CCNDBP1: variants seen among roughly 807,000 people sequenced by gnomAD.
The protein encoded by CCNDBP1 is cyclin-D1-binding protein 1.
CCNDBP1 carries 45 observed loss-of-function variants against 46.2 expected under a neutral mutation model. The observed-to-expected ratio is 0.97, with a 90% CI of 0.77 to 1.25. The LOEUF is 1.25. Among genes scored for constraint, CCNDBP1 ranks in the 50% most tolerant of loss-of-function variants. CCNDBP1 has a pLI of 0.00. For missense variants in CCNDBP1, 436 were observed against 442.1 expected, an observed-to-expected ratio of 0.99 and a Z score of 0.12; for synonymous variants, 154 against 163.6, an observed-to-expected ratio of 0.94 and a Z score of 0.45.
chr15:43,196,905 T>G lies in CCNDBP1; in HGVS notation c.*2064T>G. 3.5e-6 allele frequency: 1 copy of G among 284,240 alleles called. No individual in the cohort carries two copies. The highest frequency in any genetic ancestry group is 3.5e-5 in the South Asian group (1 of 28,602). The allele number at this position is 284,240 out of a possible 1,614,324, so 17.6% of individuals were successfully genotyped here. A position where few individuals can be genotyped will look rare whatever the true frequency, so the allele number is the denominator to read the frequency against. On this transcript the variant is annotated 3_prime_UTR_variant, in exon 11 of 11. Coordinates refer to ENST00000300213, the MANE Select transcript of CCNDBP1 (RefSeq NM_012142.5). Reference sequence around the variant, plus strand: ...GTTGGAGGTGGGGCCTAATGGGAGGTGTTTGGATCCCTCATGAATGGCTTC... The same window carrying G: ...GTTGGAGGTGGGGCCTAATGGGAGGGGTTTGGATCCCTCATGAATGGCTTC...
At chr15:43,186,284 A>G (rs886745895) in intron 3 of CCNDBP1, 51 bp downstream of exon 3, 11 of 1,435,730 alleles carry the variant, frequency 7.7e-6, no homozygotes, top group Non-Finnish European at 1.1e-5. Flanking sequence ...CACCTTAGGA[A>G]TCCTCTAATT....
intron 6 of CCNDBP1, 140 bp downstream of exon 6, chr15:43,190,538 GGTAGGTATTAATA>G (rs2041931973): frequency 3.2e-6 from 2 of 626,518 alleles, no homozygotes; most frequent in Non-Finnish European, 5.4e-6. Flanking sequence ...GAAATTAATA[GGTAGGTATTAATA>G]CTTTTTGTCA....
intron 4 of CCNDBP1, 152 bp from the exon 5 acceptor site, chr15:43,189,903 G>C (rs2041919742): frequency 1.6e-6 from 1 of 613,186 alleles, no homozygotes; most frequent in African/African-American, 1.9e-5. Flanking sequence ...AATGCCATGG[G>C]GATATAAGTA....
chr15:43,189,415 T>A (rs2041913305), intron 4 of CCNDBP1, 135 bp downstream of exon 4: 1 of 558,940 alleles, frequency 1.8e-6, no homozygotes. Flanking sequence ...AATTTTGTAA[T>A]GTAAGTGACT....
rs1353600596 is a variant in CCNDBP1 at position 43,190,960 on chromosome 15, T to G, written c.503-6T>G. The G allele has an allele frequency of 6.2e-7, 1 of 1,612,214 alleles. No individual in the cohort carries two copies. The highest frequency in any genetic ancestry group is 1.1e-5 in the South Asian group (1 of 91,050). On this transcript the variant is annotated splice_polypyrimidine_tract_variant and splice_region_variant and intron_variant, in intron 6 of 10. Transcript: ENST00000300213. ...AATTCTAGTGCTTCTGATTTTTCAC[T>G]CATAGATAACAAAGCTGCAGCTCTT... is the stretch of plus-strand genomic sequence containing the variant.
chr15:43,191,717 C>G, intron 8 of CCNDBP1, 42 bp downstream of exon 8: 1 of 1,570,190 alleles, frequency 6.4e-7, no homozygotes, highest in South Asian at 1.1e-5. Context: ...CAGCAGCGTT[C>G]TGATTTCAAT....
Position 43,186,149 on chromosome 15 carries a change from C to T in CCNDBP1, c.170-5C>T, listed in dbSNP as rs772171081. On this transcript the variant is annotated splice_polypyrimidine_tract_variant and splice_region_variant and intron_variant, in intron 2 of 10. Transcript: ENST00000300213. ...GCACCTGCCTCCTCTTCGGCCACCC[C>T]CCAGATGAGGCAGCTGTGACTGTGT... The T allele has an allele frequency of 1.9e-6, 3 of 1,613,916 alleles. No homozygotes were observed. Among genetic ancestry groups the T allele is most frequent in the Admixed American group, 1.7e-5 (1 of 60,006 alleles).
intron 9 of CCNDBP1, chr15:43,193,099 G>A: frequency 2.8e-6 from 1 of 351,892 alleles, no homozygotes; most frequent in Non-Finnish European, 5.3e-6. Flanking sequence ...GCTCACACCT[G>A]TAATCCCAGC....
chr15:43,196,559 AT>A lies in CCNDBP1; in HGVS notation c.*1720del, dbSNP rs2042040579. 6.6e-6 allele frequency: 1 copy of A among 152,356 alleles called. No individual in the cohort carries two copies. The allele number at this position is 152,356 out of a possible 1,614,324, so 9.4% of individuals were successfully genotyped here. A position where few individuals can be genotyped will look rare whatever the true frequency, so the allele number is the denominator to read the frequency against. On this transcript the variant is annotated 3_prime_UTR_variant, in exon 11 of 11. Transcript: ENST00000300213. ...CACGTCAGCCTCCCAAAGTGCTGGG[AT>A]TACAGATGTGAGCCACCGAGCCCAG...
intron 3 of CCNDBP1, 48 bp downstream of exon 3, chr15:43,186,281 G>A (rs759222179): frequency 6.9e-7 from 1 of 1,450,494 alleles, no homozygotes; most frequent in Non-Finnish European, 9.7e-7. Flanking sequence ...TTACACCTTA[G>A]GAATCCTCTA....
Position 43,190,078 on chromosome 15 carries a change from C to G in CCNDBP1, c.355C>G (p.Arg119Gly). 2 of 1,614,086 alleles carry G rather than the reference C, an allele frequency of 1.2e-6. No individual in the cohort carries two copies. Among genetic ancestry groups the G allele is most frequent in the Non-Finnish European group, 1.7e-6 (2 of 1,179,990 alleles). ...AGGGATCACCCTGAGAAAGCTGGTA[C>G]GGGGCGCCACCCTGGACATCGTGGA... ...DQGITLRKLV[R>G]GATLDIVDGM... Residue 119 changes from arginine (R) to glycine (G), a missense_variant, in exon 5 of 11, where the codon CGG becomes GGG. Arg to Gly is a moderately radical substitution (Grantham distance 125). Transcript: ENST00000300213.
Position 43,196,945 on chromosome 15 carries a change from G to GAC in CCNDBP1, c.*2104_*2105insAC. Reference sequence around the variant, plus strand: ...TGAATGGCTTCGTTCCATTGGTGGGGTAATGAGTAAGTTCTCGCTCTATAT... The same window carrying GAC: ...TGAATGGCTTCGTTCCATTGGTGGGGACTAATGAGTAAGTTCTCGCTCTATAT... On this transcript the variant is annotated 3_prime_UTR_variant, in exon 11 of 11. Coordinates refer to ENST00000300213, the MANE Select transcript of CCNDBP1 (RefSeq NM_012142.5). 2.9e-6 allele frequency: 1 copy of GAC among 340,176 alleles called. No individual in the cohort carries two copies. Among genetic ancestry groups the GAC allele is most frequent in the South Asian group, 2.5e-5 (1 of 40,384 alleles). 21.1% of individuals were successfully genotyped at this position (340,176 alleles called of 1,614,324 possible).
At chr15:43,189,098 A>AG in intron 3 of CCNDBP1, 101 bp from the exon 4 acceptor site, 15 of 476,556 alleles carry the variant, frequency 3.1e-5, no homozygotes, top group South Asian at 1.3e-4. Flanking sequence ...AAAAAAAAAA[A>AG]AAAAAAGAAA....
chr15:43,190,290 GTTA>G (rs755540272), intron 5 of CCNDBP1, 32 bp from the exon 6 acceptor site: 1 of 1,608,402 alleles, frequency 6.2e-7, no homozygotes, highest in South Asian at 1.1e-5. Flanking sequence ...AGGAACCTAG[GTTA>G]TTAATATATC....
At chr15:43,190,263 G>T in intron 5 of CCNDBP1, 62 bp from the exon 6 acceptor site, 1 of 1,597,440 alleles carries the variant, frequency 6.3e-7, no homozygotes, top group South Asian at 1.1e-5. Flanking sequence ...CCAGCAGGAA[G>T]AAGCTTTTTA....
intron 8 of CCNDBP1, 115 bp from the exon 9 acceptor site, chr15:43,192,628 A>T: frequency 1.1e-6 from 1 of 937,770 alleles, no homozygotes. Flanking sequence ...GCCCAATTTT[A>T]AAAACTGACA....
intron 3 of CCNDBP1, among the ~76,000 whole-genome samples, chr15:43,187,194 G>A (rs1183090019): frequency 2.0e-5 from 3 of 151,636 alleles, no homozygotes; most frequent in Non-Finnish European, 4.4e-5. Context: ...ACATATATAG[G>A]TGTTTGGAAA....
chr15:43,185,512 C>A lies in CCNDBP1; in HGVS notation c.14C>A (p.Thr5Asn), dbSNP rs756127914. 1 of 1,593,920 alleles carries A rather than the reference C, an allele frequency of 6.3e-7. No individual in the cohort carries two copies. The highest frequency in any genetic ancestry group is 1.1e-5 in the South Asian group (1 of 88,494). The change falls in exon 1 of 11, where the codon ACT (threonine) becomes AAT (asparagine). Residue 5 changes from threonine (T) to asparagine (N), a missense_variant. By Grantham distance (65) the Thr-to-Asn change is moderately conservative. Transcript: ENST00000300213. Reference sequence around the variant, plus strand: ...CAAGCGACTGAGATGGCGAGCGCAACTGCACCTGCAGCCGCAGTCCCCACC... The same window carrying A: ...CAAGCGACTGAGATGGCGAGCGCAAATGCACCTGCAGCCGCAGTCCCCACC... MASA[T>N]APAAAVPTLA...
At chr15:43,189,582 T>TA (rs2041915788) in intron 4 of CCNDBP1, 1 of 363,414 alleles carries the variant, frequency 2.8e-6, no homozygotes, top group Admixed American at 4.4e-5. Context: ...CTCAGCCCCA[T>TA]ATGCAGGCTC....
Sources: gnomAD v4.1 joint callset for allele counts (sites outside exome capture counted in the v4.1 genomes callset) on GRCh38, gnomAD v4.1.1 for gene constraint, MANE v1.5 for transcripts, NCBI Gene and HGNC (gene_info 2026-07-23, HGNC 2026-07-21) for gene names.